The following CWH43 variants were observed in gnomAD, a reference collection of about 807,000 sequenced individuals.
CWH43 encodes the protein cell wall biogenesis 43 C-terminal homolog.
A neutral mutation model predicts 85.7 loss-of-function variants in CWH43; 91 were observed. That is an observed-to-expected ratio of 1.06 (90% CI 0.90 to 1.26). The LOEUF is 1.26. Ranked by LOEUF, CWH43 falls within the 50% of genes most tolerant of loss-of-function variation. The pLI is 0.00. For missense variants in CWH43, 869 were observed against 839.2 expected (o/e 1.04, Z -0.44); for synonymous variants, 323 against 293.6 (o/e 1.10, Z -1.02).
chr4:49,029,690 G>A (rs188477456), intron 10 of CWH43, among the ~76,000 whole-genome samples: 367 of 152,330 alleles, frequency 2.4e-3, no homozygotes, highest in Middle Eastern at 6.8e-3. Flanking sequence ...TGTGGCTGGA[G>A]GTGAGATATG....
intron 9 of CWH43, 129 bp from the exon 10 acceptor site, chr4:49,028,500 G>T: frequency 1.7e-6 from 1 of 601,642 alleles, no homozygotes; most frequent in South Asian, 2.3e-5. Context: ...TGGATTAAAT[G>T]TGGGAAAATG....
intron 13 of CWH43, among the ~76,000 whole-genome samples, chr4:49,044,542 C>T (rs543293142): frequency 4.1e-4 from 62 of 152,270 alleles, no homozygotes; most frequent in African/African-American, 1.4e-3. Context: ...AGTCACTCTC[C>T]AGACCTCCTT....
In CWH43 at chr4:49,003,721, T is replaced by C; in HGVS notation, c.803-14T>C. On this transcript the variant is annotated splice_polypyrimidine_tract_variant and intron_variant, in intron 6 of 15. Coordinates refer to ENST00000226432, the MANE Select transcript of CWH43 (RefSeq NM_025087.3). ...ACTGCTTTCCTGTCTGATTCTTTTCTCTCTCACAAACAGGAACAGCTTCAG... is the reference window on the plus strand; with the variant it reads ...ACTGCTTTCCTGTCTGATTCTTTTCCCTCTCACAAACAGGAACAGCTTCAG... 6.2e-7 allele frequency: 1 copy of C among 1,613,032 alleles called. No individual in the cohort carries two copies. The highest frequency in any genetic ancestry group is 2.2e-5 in the East Asian group (1 of 44,866).
chr4:49,056,919 A>G (rs1036530114), intron 15 of CWH43, among the ~76,000 whole-genome samples: 1 of 152,174 alleles, frequency 6.6e-6, no homozygotes, highest in East Asian at 1.9e-4. Context: ...TTGTCTGTTT[A>G]GGAAAGTTTT....
intron 9 of CWH43, among the ~76,000 whole-genome samples, chr4:49,027,208 TG>T (rs1402316776): frequency 6.6e-6 from 1 of 152,142 alleles, no homozygotes; most frequent in African/African-American, 2.4e-5. Flanking sequence ...GAAGTAGAGT[TG>T]GAGATAAATG....
chr4:49,056,913 C>CT (rs1297118377), intron 15 of CWH43, among the ~76,000 whole-genome samples: 4 of 152,084 alleles, frequency 2.6e-5, no homozygotes, highest in African/African-American at 9.7e-5. Context: ...GATCCATTGT[C>CT]TGTTTAGGAA....
intron 5 of CWH43, among the ~76,000 whole-genome samples, chr4:48,996,915 G>A (rs763643892): frequency 1.3e-5 from 2 of 152,188 alleles, no homozygotes; most frequent in Non-Finnish European, 2.9e-5. Context: ...ACTGTGTTCT[G>A]TGAGATGCTG....
intron 5 of CWH43, among the ~76,000 whole-genome samples, chr4:48,997,944 T>C (rs1265677291): frequency 1.3e-5 from 2 of 152,198 alleles, no homozygotes; most frequent in African/African-American, 4.8e-5. Flanking sequence ...AATTTCTTTT[T>C]TCCTCCTCTT....
At chr4:49,029,243 G>A (rs1784013435) in intron 10 of CWH43, among the ~76,000 whole-genome samples, 7 of 152,214 alleles carry the variant, frequency 4.6e-5, no homozygotes, top group Admixed American at 4.6e-4. Flanking sequence ...CTAATCCTGT[G>A]CTCACAGAAA....
intron 14 of CWH43, among the ~76,000 whole-genome samples, chr4:49,047,508 T>G (rs1784662359): frequency 6.6e-6 from 1 of 152,034 alleles, no homozygotes; most frequent in African/African-American, 2.4e-5. Flanking sequence ...GGGAGCTGGG[T>G]AGGTCTTACT....
intron 8 of CWH43, among the ~76,000 whole-genome samples, chr4:49,011,794 A>G (rs1783370319): frequency 6.6e-6 from 1 of 152,182 alleles, no homozygotes; most frequent in Non-Finnish European, 1.5e-5. Flanking sequence ...AATGTTGAAT[A>G]TTGGTCTCCA....
intron 12 of CWH43, among the ~76,000 whole-genome samples, chr4:49,035,985 A>G (rs1423926708): frequency 1.3e-5 from 2 of 152,192 alleles, no homozygotes; most frequent in Non-Finnish European, 2.9e-5. Flanking sequence ...GACCCATGGA[A>G]CAAATAAGAG....
intron 6 of CWH43, among the ~76,000 whole-genome samples, chr4:48,998,899 T>C (rs555664593): frequency 6.6e-6 from 1 of 152,340 alleles, no homozygotes; most frequent in African/African-American, 2.4e-5. Context: ...TATATTATTT[T>C]ATTTGTATAA....
chr4:49,048,225 G>A (rs1362595825), intron 14 of CWH43, among the ~76,000 whole-genome samples: 1 of 151,872 alleles, frequency 6.6e-6, no homozygotes, highest in African/African-American at 2.4e-5. Context: ...ATAGCTCATT[G>A]TTGGGCTCTG....
rs1214440327 is a variant in CWH43, at chr4:49,039,016, C to T, written c.1803+836C>T. Among the ~76,000 whole-genome samples, 3 of 150,468 alleles carry T rather than the reference C, an allele frequency of 2.0e-5. No homozygotes were observed. The East Asian group carries it at 5.9e-4, about 30-fold the overall frequency. ...GAGCTTGCAGTGAGCTGAGATCGCA[C>T]CACTACACTCCAGCCTGGGTGACAG... On this transcript the variant is annotated intron_variant, in intron 13 of 15. Coordinates refer to ENST00000226432, the MANE Select transcript of CWH43 (RefSeq NM_025087.3).
chr4:49,020,384 TACAC>T lies in CWH43; in HGVS notation c.1266+3086_1266+3089del, dbSNP rs35489918. Among the ~76,000 whole-genome samples the T allele has an allele frequency of 4.7e-3, 561 of 120,158 alleles. 11 individuals carry two copies. Among genetic ancestry groups the T allele is most frequent in the Admixed American group, 0.035 (354 of 10,144 alleles). 78.8% of individuals were successfully genotyped at this position (120,158 alleles called of 152,430 possible). ...TTTTTATGGCTGAATAGTATTCCAT[TACAC>T]ACACACACACACACACACACACACA... is the stretch of plus-strand genomic sequence containing the variant. On this transcript the variant is annotated intron_variant, in intron 9 of 15. Transcript: ENST00000226432.
intron 1 of CWH43, chr4:48,986,755 T>A (rs1332935647): frequency 1.6e-6 from 2 of 1,279,572 alleles, no homozygotes; most frequent in Non-Finnish European, 9.9e-7. Context: ...GCGCGAATTC[T>A]CCTCGTGTCG....
chr4:49,002,221 T>C (rs1296663826), intron 6 of CWH43, among the ~76,000 whole-genome samples: 2 of 152,058 alleles, frequency 1.3e-5, no homozygotes, highest in Non-Finnish European at 2.9e-5. Flanking sequence ...TAATAGGTAA[T>C]GTGGTAAGGG....
At position 48,986,346 on chromosome 4, in the gene CWH43, C is replaced by G; in HGVS notation, c.-84C>G. 1.5e-6 allele frequency: 2 copies of G among 1,336,184 alleles called. No individual in the cohort carries two copies. The highest frequency in any genetic ancestry group is 1.3e-5 in the South Asian group (1 of 74,080). 82.8% of individuals were successfully genotyped at this position (1,336,184 alleles called of 1,614,324 possible). A position where few individuals can be genotyped will look rare whatever the true frequency, so the allele number is the denominator to read the frequency against. On this transcript the variant is annotated 5_prime_UTR_variant, in exon 1 of 16. Transcript: ENST00000226432. Reference sequence around the variant, plus strand: ...CGGACGCAGGCCCGGGAGGACGCGGCGGCGGGAACCTGGGGGCGCAGGGCT... The same window carrying G: ...CGGACGCAGGCCCGGGAGGACGCGGGGGCGGGAACCTGGGGGCGCAGGGCT...
Sources: allele counts gnomAD v4.1 joint callset (sites outside exome capture counted in the v4.1 genomes callset), GRCh38; gene constraint gnomAD v4.1.1; transcripts MANE v1.5; gene names NCBI Gene and HGNC (gene_info 2026-07-23, HGNC 2026-07-21).